SUSD6: variants seen among roughly 807,000 people sequenced by gnomAD.
SUSD6 encodes the protein sushi domain containing 6, also known as sushi domain-containing protein 6.
Under a neutral mutation model 28.4 loss-of-function variants are expected in SUSD6, and 16 were observed. The ratio of observed to expected loss-of-function variants is 0.56; its 90% CI spans 0.38 to 0.86. The LOEUF (loss-of-function observed/expected upper bound fraction) is 0.86. SUSD6 is among the 40% of genes least tolerant of loss of function. SUSD6 has a pLI of 0.00. For missense variants in SUSD6, 341 were observed against 384.2 expected (o/e 0.89, Z 0.94); for synonymous variants, 147 against 159.6 (o/e 0.92, Z 0.59).
intron 1 of SUSD6, among the ~76,000 whole-genome samples, chr14:69,641,629 A>T (rs141164040): frequency 6.6e-6 from 1 of 152,058 alleles, no homozygotes; most frequent in Admixed American, 6.6e-5. Flanking sequence ...TCGCTCTGCC[A>T]CCCAGGCTGG....
rs931981677 is a variant in SUSD6, at chr14:69,711,271, C to G, written c.*292C>G. Reference sequence around the variant, plus strand: ...GGATCAAACCCTCCCTTTTCCTAAGCCTCTGGGTCCCCTCCAGCCAGCTCT... The same window carrying G: ...GGATCAAACCCTCCCTTTTCCTAAGGCTCTGGGTCCCCTCCAGCCAGCTCT... On this transcript the variant is annotated 3_prime_UTR_variant, in exon 6 of 6. Transcript: ENST00000342745. The G allele has an allele frequency of 2.5e-4, 114 of 464,306 alleles. No individual in the cohort carries two copies. Among genetic ancestry groups the G allele is most frequent in the Non-Finnish European group, 5.1e-5 (13 of 256,768 alleles). 28.8% of individuals were successfully genotyped at this position (464,306 alleles called of 1,614,324 possible). A position where few individuals can be genotyped will look rare whatever the true frequency, so the allele number is the denominator to read the frequency against.
intron 1 of SUSD6, among the ~76,000 whole-genome samples, chr14:69,614,618 T>C (rs10140437): frequency 0.043 from 6,537 of 152,316 alleles, 511 homozygotes; most frequent in African/African-American, 0.15. Flanking sequence ...TCAAATATTT[T>C]CTTCTGCCCT....
At chr14:69,662,930 TAAC>T (rs945861749) in intron 2 of SUSD6, among the ~76,000 whole-genome samples, 1 of 152,214 alleles carries the variant, frequency 6.6e-6, no homozygotes, top group African/African-American at 2.4e-5. Flanking sequence ...AATTCCCAAA[TAAC>T]AACAACAGAA....
Position 69,712,877 on chromosome 14 carries a change from C to CTGG in SUSD6, c.*1900_*1902dup, listed in dbSNP as rs992944900. ...CAGGAAAGCATAGTTAGGTAGGGAG[C>CTGG]TGGTTGGAGAAGGTGCTAGAACTAG... is the stretch of plus-strand genomic sequence containing the variant. On this transcript the variant is annotated 3_prime_UTR_variant, in exon 6 of 6. Coordinates refer to ENST00000342745, the MANE Select transcript of SUSD6 (RefSeq NM_014734.4). 1.3e-5 allele frequency: 2 copies of CTGG among 152,372 alleles called. No homozygotes were observed. Among genetic ancestry groups the CTGG allele is most frequent in the African/African-American group, 4.8e-5 (2 of 41,420 alleles). 9.4% of individuals were successfully genotyped at this position (152,372 alleles called of 1,614,324 possible).
At chr14:69,678,998 A>G (rs889829187) in intron 2 of SUSD6, among the ~76,000 whole-genome samples, 1 of 152,216 alleles carries the variant, frequency 6.6e-6, no homozygotes, top group African/African-American at 2.4e-5. Context: ...AGTTTACACT[A>G]CTACTGATGT....
At position 69,612,869 on chromosome 14, in the gene SUSD6, A is replaced by G. The variant is rs577454356; in HGVS notation, c.-81+1041A>G. On this transcript the variant is annotated intron_variant, in intron 1 of 5. Transcript: ENST00000342745. ...GGGAAGTATGTCTTTCCTTCACAGTAGTTAATTCATTTCTTGCTGTTTTCG... is the reference window on the plus strand; with the variant it reads ...GGGAAGTATGTCTTTCCTTCACAGTGGTTAATTCATTTCTTGCTGTTTTCG... Among the ~76,000 whole-genome samples the G allele has an allele frequency of 1.3e-3, 201 of 152,312 alleles. 1 individual carries two copies. Among genetic ancestry groups the G allele is most frequent in the Middle Eastern group, 6.8e-3 (2 of 294 alleles).
At chr14:69,700,325 T>C (rs1035169818) in intron 2 of SUSD6, among the ~76,000 whole-genome samples, 6 of 152,352 alleles carry the variant, frequency 3.9e-5, no homozygotes, top group African/African-American at 1.4e-4. Flanking sequence ...TGCTATAATG[T>C]TGACATAATC....
At chr14:69,638,457 T>TGTGTGTGC (rs1885298521) in intron 1 of SUSD6, among the ~76,000 whole-genome samples, 1 of 149,748 alleles carries the variant, frequency 6.7e-6, no homozygotes, top group Non-Finnish European at 1.5e-5. Context: ...TGTGTGTGTG[T>TGTGTGTGC]GTAATTGTGT....
intron 1 of SUSD6, among the ~76,000 whole-genome samples, chr14:69,627,107 A>G (rs1555342785): frequency 6.6e-6 from 1 of 152,240 alleles, no homozygotes; most frequent in South Asian, 2.1e-4. Flanking sequence ...AAGAATGTTC[A>G]TTGGAAAAGA....
chr14:69,614,423 T>A (rs1280858502), intron 1 of SUSD6, among the ~76,000 whole-genome samples: 2 of 152,186 alleles, frequency 1.3e-5, no homozygotes, highest in Non-Finnish European at 2.9e-5. Flanking sequence ...CCTCCTTTGC[T>A]CTTTTGGTGG....
intron 1 of SUSD6, among the ~76,000 whole-genome samples, chr14:69,628,700 A>G (rs933193150): frequency 6.8e-6 from 1 of 147,014 alleles, no homozygotes; most frequent in Non-Finnish European, 1.5e-5. Context: ...GGTTGGAGTG[A>G]TTCTAAAGCC....
Position 69,670,136 on chromosome 14 carries a change from G to A in SUSD6, c.121+11423G>A, listed in dbSNP as rs55672158. 6.2e-3 allele frequency among the ~76,000 whole-genome samples: 948 copies of A among 152,290 alleles called. 3 individuals carry two copies. The highest frequency in any genetic ancestry group is 1.0e-2 in the Non-Finnish European group (679 of 68,026). On this transcript the variant is annotated intron_variant, in intron 2 of 5. Transcript: ENST00000342745. ...CTTAAGCAAGTATGTGTTGACATAAGGTGGGCAGGAGCTATGTAATGCCAC... is the reference window on the plus strand; with the variant it reads ...CTTAAGCAAGTATGTGTTGACATAAAGTGGGCAGGAGCTATGTAATGCCAC...
chr14:69,632,660 A>C (rs573995950), intron 1 of SUSD6, among the ~76,000 whole-genome samples: 80 of 151,850 alleles, frequency 5.3e-4, no homozygotes, highest in Middle Eastern at 3.4e-3. Context: ...ATTAAAAAAA[A>C]AAAACAAAAC....
chr14:69,667,878 T>C (rs1324030837), intron 2 of SUSD6, among the ~76,000 whole-genome samples: 1 of 152,254 alleles, frequency 6.6e-6, no homozygotes, highest in Non-Finnish European at 1.5e-5. Context: ...TGTGTTTGCA[T>C]ATAAGCTCGT....
At chr14:69,709,940 CT>C (rs1886438724) in intron 5 of SUSD6, among the ~76,000 whole-genome samples, 2 of 152,196 alleles carry the variant, frequency 1.3e-5, no homozygotes, top group Non-Finnish European at 2.9e-5. Flanking sequence ...TTAGAGGAAA[CT>C]TTATGCTTCC....
intron 1 of SUSD6, among the ~76,000 whole-genome samples, chr14:69,624,587 G>A (rs1885087859): frequency 6.6e-6 from 1 of 151,880 alleles, no homozygotes; most frequent in South Asian, 2.1e-4. Flanking sequence ...CAAGTAGCTG[G>A]GCTTACAGGC....
intron 2 of SUSD6, among the ~76,000 whole-genome samples, chr14:69,700,172 C>T (rs1886293858): frequency 6.6e-6 from 1 of 152,078 alleles, no homozygotes; most frequent in Non-Finnish European, 1.5e-5. Flanking sequence ...ATCTATGCAG[C>T]TCGATTTTTC....
At chr14:69,639,460 A>T (rs1885317456) in intron 1 of SUSD6, among the ~76,000 whole-genome samples, 1 of 152,148 alleles carries the variant, frequency 6.6e-6, no homozygotes, top group Non-Finnish European at 1.5e-5. Flanking sequence ...CATGTCCAGA[A>T]TCACAGCCAG....
intron 2 of SUSD6, among the ~76,000 whole-genome samples, chr14:69,659,813 C>T (rs1345610315): frequency 1.3e-5 from 2 of 152,222 alleles, no homozygotes; most frequent in Admixed American, 6.5e-5. Context: ...GCCACGTGCT[C>T]GGCCCATTGA....
Sources: allele counts gnomAD v4.1 joint callset (sites outside exome capture counted in the v4.1 genomes callset), GRCh38; gene constraint gnomAD v4.1.1; transcripts MANE v1.5; gene names NCBI Gene and HGNC (gene_info 2026-07-23, HGNC 2026-07-21).